The following DYRK3 variants were observed in gnomAD, a reference collection of about 807,000 sequenced individuals.
The protein encoded by DYRK3 is dual specificity tyrosine phosphorylation regulated kinase 3, also known as dual specificity tyrosine-phosphorylation-regulated kinase 3.
Under a neutral mutation model 40.8 loss-of-function variants are expected in DYRK3, and 30 were observed. The observed-to-expected ratio is 0.74, with a 90% CI of 0.55 to 1.00. The LOEUF (loss-of-function observed/expected upper bound fraction) is 1.00, where lower values mean the gene tolerates loss of function less well. DYRK3 is among the 50% of genes least tolerant of loss of function. The pLI, the probability that DYRK3 is intolerant of heterozygous loss-of-function variation, is 0.00. For synonymous variants in DYRK3, 272 were observed against 260.7 expected (o/e 1.04, Z -0.42); for missense variants, 699 against 731.5 (o/e 0.96, Z 0.51).
chr1:206,639,928 CTTTTTTTTTT>C (rs1166474916), intron 2 of DYRK3, among the ~76,000 whole-genome samples: 5 of 87,500 alleles, frequency 5.7e-5, no homozygotes, highest in African/African-American at 2.2e-4. Flanking sequence ...TTACTCATTT[CTTTTTTTTTT>C]TTTTTTTTTT....
At chr1:206,637,815 G>A (rs1671161677) in intron 2 of DYRK3, 54 bp downstream of exon 2, 1 of 1,378,752 alleles carries the variant, frequency 7.3e-7, no homozygotes, top group Admixed American at 1.7e-5. Flanking sequence ...AGGAGGAAGT[G>A]CTACTTAATG....
In DYRK3 at chr1:206,653,970, T is replaced by C. The variant is rs1671693851; in HGVS notation, c.*5005T>C. 6.6e-6 allele frequency among the ~76,000 whole-genome samples: 1 copy of C among 152,248 alleles called. No individual in the cohort carries two copies. The highest frequency in any genetic ancestry group is 6.5e-5 in the Admixed American group (1 of 15,284). On this transcript the variant is annotated 3_prime_UTR_variant, in exon 3 of 3. Coordinates refer to ENST00000367109, the MANE Select transcript of DYRK3 (RefSeq NM_003582.4). ...AGAACAATAAAAAAATAAAAATTTC[T>C]ACTGTGAAACTATTTCAATCTGTAG... is the stretch of plus-strand genomic sequence containing the variant.
At position 206,650,804 on chromosome 1, in the gene DYRK3, A is replaced by G. The variant is rs1553421209; in HGVS notation, c.*1839A>G. 6.6e-6 allele frequency among the ~76,000 whole-genome samples: 1 copy of G among 152,068 alleles called. No individual in the cohort carries two copies. The highest frequency in any genetic ancestry group is 1.5e-5 in the Non-Finnish European group (1 of 68,012). ...GGCTGTGAAAAATGAGAGAGTGCAAATCTCTCTCATTTAAATGTCCACAGT... is the reference window on the plus strand; with the variant it reads ...GGCTGTGAAAAATGAGAGAGTGCAAGTCTCTCTCATTTAAATGTCCACAGT... On this transcript the variant is annotated 3_prime_UTR_variant, in exon 3 of 3. Transcript: ENST00000367109.
intron 2 of DYRK3, among the ~76,000 whole-genome samples, chr1:206,638,951 C>CTCATTGCA (rs1256443253): frequency 8.8e-5 from 13 of 148,496 alleles, no homozygotes; most frequent in Non-Finnish European, 1.2e-4. Flanking sequence ...GTCATGTCAG[C>CTCATTGCA]TCATTGCAAC....
chr1:206,647,688 A>C lies in DYRK3; in HGVS notation c.490A>C (p.Asn164His), dbSNP rs782425999. ...LTAYEKLEII[N>H]YPEIYFVGPN... ...TGCCTATGAGAAACTGGAAATAATT[A>C]ATTATCCAGAAATTTACTTTGTAGG... The change falls in exon 3 of 3, where the codon AAT becomes CAT. Residue 164 changes from asparagine to histidine, a missense_variant. By Grantham distance (68) the Asn-to-His change is moderately conservative. Transcript: ENST00000367109. 7.4e-6 allele frequency: 12 copies of C among 1,614,074 alleles called. No homozygotes were observed. Among genetic ancestry groups the C allele is most frequent in the Admixed American group, 1.7e-5 (1 of 60,004 alleles).
rs542919742 is a variant in DYRK3 at position 206,649,456 on chromosome 1, G to A, written c.*491G>A. Among the ~76,000 whole-genome samples, 4 of 152,184 alleles carry A rather than the reference G, an allele frequency of 2.6e-5. No homozygotes were observed. Among genetic ancestry groups the A allele is most frequent in the Non-Finnish European group, 5.9e-5 (4 of 68,038 alleles). On this transcript the variant is annotated 3_prime_UTR_variant, in exon 3 of 3. Transcript: ENST00000367109. ...AGCTCACAGCAGACTGTGGGGTGGG[G>A]GAGCACCAGGAAGCTGTTGGTGACC...
At chr1:206,636,152 C>T (rs12121407) in intron 1 of DYRK3, 1 of 1,050,170 alleles carries the variant, frequency 9.5e-7, no homozygotes, top group Non-Finnish European at 1.4e-6. Flanking sequence ...AGCCCTGTTG[C>T]TTAGAGCGGA....
intron 2 of DYRK3, among the ~76,000 whole-genome samples, chr1:206,645,542 C>G (rs1671426903): frequency 6.6e-6 from 1 of 152,130 alleles, no homozygotes; most frequent in Admixed American, 6.6e-5. Context: ...GAGACAGTCT[C>G]TCACTCTGTT....
chr1:206,649,051 T>C lies in DYRK3; in HGVS notation c.*86T>C, dbSNP rs1553420960. The C allele has an allele frequency of 1.4e-6, 2 of 1,392,084 alleles. No individual in the cohort carries two copies. Among genetic ancestry groups the C allele is most frequent in the Non-Finnish European group, 1.9e-6 (2 of 1,043,600 alleles). 86.2% of individuals were successfully genotyped at this position (1,392,084 alleles called of 1,614,324 possible). A position where few individuals can be genotyped will look rare whatever the true frequency, so the allele number is the denominator to read the frequency against. On this transcript the variant is annotated 3_prime_UTR_variant, in exon 3 of 3. Coordinates refer to ENST00000367109, the MANE Select transcript of DYRK3 (RefSeq NM_003582.4). ...AATGGAAAAAATGCAAGCCCATTGG[T>C]GGATGTTTTTGTTAGAGTAGACTTT... is the stretch of plus-strand genomic sequence containing the variant.
chr1:206,640,303 T>TA (rs1553419137), intron 2 of DYRK3, among the ~76,000 whole-genome samples: 2 of 152,174 alleles, frequency 1.3e-5, no homozygotes, highest in East Asian at 1.9e-4. Flanking sequence ...TGGTGCCACT[T>TA]ACATTTCATT....
Position 206,649,922 on chromosome 1 carries a change from A to G in DYRK3, c.*957A>G, listed in dbSNP as rs187965963. 2.3e-4 allele frequency among the ~76,000 whole-genome samples: 35 copies of G among 152,290 alleles called. No homozygotes were observed. The highest frequency in any genetic ancestry group is 1.2e-3 in the East Asian group (6 of 5,184). ...CTCTTTACAGCTACCTGCCACTTCA[A>G]TGTGCCACATTTTTCCCCCCACTTT... On this transcript the variant is annotated 3_prime_UTR_variant, in exon 3 of 3. Transcript: ENST00000367109.
rs1671699874 is a variant in DYRK3 at position 206,654,289 on chromosome 1, T to A, written c.*5324T>A. On this transcript the variant is annotated 3_prime_UTR_variant, in exon 3 of 3. Coordinates refer to ENST00000367109, the MANE Select transcript of DYRK3 (RefSeq NM_003582.4). ...GAATTAAAAATACATACTTACACCTTGAGCCAGGTAGAATTGCCAGAACAT... is the reference window on the plus strand; with the variant it reads ...GAATTAAAAATACATACTTACACCTAGAGCCAGGTAGAATTGCCAGAACAT... Among the ~76,000 whole-genome samples the A allele has an allele frequency of 6.6e-6, 1 of 152,254 alleles. No individual in the cohort carries two copies.
chr1:206,647,480 C>G lies in DYRK3; in HGVS notation c.282C>G (p.Asn94Lys). The G allele has an allele frequency of 3.7e-6, 6 of 1,614,104 alleles. No homozygotes were observed. The highest frequency in any genetic ancestry group is 8.5e-7 in the Non-Finnish European group (1 of 1,180,022). ...KVEQLFQEFG[N>K]RKSNTIQSDG... is the part of the protein sequence containing the mutation. ...AACAGCTGTTTCAAGAATTTGGCAA[C>G]AGAAAATCCAATACTATTCAGTCAG... Residue 94 changes from asparagine to lysine, a missense_variant, in exon 3 of 3, where the codon AAC (asparagine) becomes AAG (lysine). Physicochemically the swap from Asn to Lys is moderately conservative, Grantham distance 94 (BLOSUM62 0). Transcript: ENST00000367109.
chr1:206,638,576 T>C (rs1264267067), intron 2 of DYRK3, among the ~76,000 whole-genome samples: 2 of 131,082 alleles, frequency 1.5e-5, no homozygotes, highest in Non-Finnish European at 3.3e-5. Flanking sequence ...GCTTGGCAGC[T>C]TTTTTTTTTT....
At chr1:206,642,708 A>G (rs1553419512) in intron 2 of DYRK3, among the ~76,000 whole-genome samples, 1 of 152,096 alleles carries the variant, frequency 6.6e-6, no homozygotes. Flanking sequence ...GTTCTCACTC[A>G]TAGGTGCGAA....
At position 206,647,401 on chromosome 1, in the gene DYRK3, A is replaced by G. The variant is rs201321895; in HGVS notation, c.203A>G (p.Gln68Arg). The change falls in exon 3 of 3, where the codon CAG (glutamine) becomes CGG (arginine). Residue 68 changes from glutamine (Q) to arginine (R), a missense_variant. Transcript: ENST00000367109. ...TCTCTTTCATAGATGACCACTGAGC[A>G]GTTTACAGGAGATCATACTCAGCAC... ...PPRRLNMTTEQFTGDHTQHFL... is the reference protein window; with the variant it reads ...PPRRLNMTTERFTGDHTQHFL... The G allele has an allele frequency of 3.9e-5, 62 of 1,599,912 alleles. No homozygotes were observed. The highest frequency in any genetic ancestry group is 5.1e-5 in the Non-Finnish European group (60 of 1,172,884).
intron 1 of DYRK3, chr1:206,636,936 C>T (rs868917970): frequency 6.2e-7 from 1 of 1,613,212 alleles, no homozygotes; most frequent in Non-Finnish European, 8.5e-7. Flanking sequence ...ATTTTGCCTC[C>T]ACCATCCACC....
chr1:206,636,395 G>A (rs1553418343), intron 1 of DYRK3, among the ~76,000 whole-genome samples: 1 of 152,120 alleles, frequency 6.6e-6, no homozygotes. Flanking sequence ...AATTTTGCAC[G>A]TTTTCTTTTT....
intron 2 of DYRK3, 79 bp from the exon 3 acceptor site, chr1:206,647,309 T>A: frequency 7.2e-7 from 1 of 1,384,922 alleles, no homozygotes; most frequent in Non-Finnish European, 9.8e-7. Flanking sequence ...CATGTTTTGT[T>A]GTTATTCAGT....
Sources: allele counts gnomAD v4.1 joint callset (sites outside exome capture counted in the v4.1 genomes callset), GRCh38; gene constraint gnomAD v4.1.1; transcripts MANE v1.5; gene names NCBI Gene and HGNC (gene_info 2026-07-23, HGNC 2026-07-21).